Variants in METTL15 observed in about 807,000 individuals in gnomAD.
The protein encoded by METTL15 is 12S rRNA N(4)-cytidine methyltransferase METTL15.
A neutral mutation model predicts 38.3 loss-of-function variants in METTL15; 34 were observed. That is an observed-to-expected ratio of 0.89 (90% CI 0.68 to 1.18). The LOEUF is 1.18. Ranked by LOEUF, METTL15 falls within the 50% of genes most tolerant of loss-of-function variation. The pLI is 0.00. For missense variants in METTL15, 438 were observed against 498.4 expected, an observed-to-expected ratio of 0.88 and a Z score of 1.15; for synonymous variants, 162 against 170.9, an observed-to-expected ratio of 0.95 and a Z score of 0.41.
chr11:28,375,645 GT>G, intron 5 of METTL15, among the ~76,000 whole-genome samples: 1 of 152,058 alleles, frequency 6.6e-6, no homozygotes, highest in South Asian at 2.1e-4. Context: ...TTTTTGAAGG[GT>G]TTTTTGTGTC....
At chr11:28,111,119 A>G (rs1362359019) in intron 2 of METTL15, among the ~76,000 whole-genome samples, 2 of 152,174 alleles carry the variant, frequency 1.3e-5, no homozygotes, top group African/African-American at 2.4e-5. Flanking sequence ...CAAATGAACT[A>G]TTTGTCACCC....
chr11:28,130,090 G>A (rs966103661), intron 3 of METTL15, among the ~76,000 whole-genome samples: 1 of 152,056 alleles, frequency 6.6e-6, no homozygotes. Flanking sequence ...TTGGAGGATC[G>A]CTTGAGCTCA....
At chr11:28,315,439 C>G (rs896692260) in intron 6 of METTL15, among the ~76,000 whole-genome samples, 2 of 152,168 alleles carry the variant, frequency 1.3e-5, no homozygotes, top group African/African-American at 4.8e-5. Context: ...AGCAGCAAAG[C>G]ATTCAAGAGG....
At chr11:28,352,019 A>G (rs891807144) in intron 3 of METTL15, 2 of 152,232 alleles carry the variant, frequency 1.3e-5, no homozygotes, top group African/African-American at 4.8e-5. Flanking sequence ...TGTATATAGT[A>G]TAGGTATTGT....
Position 28,117,231 on chromosome 11 carries a change from ATG to A in METTL15, c.270+3629_270+3630del, listed in dbSNP as rs1444092063. On this transcript the variant is annotated intron_variant, in intron 3 of 6. Coordinates refer to ENST00000407364, the MANE Select transcript of METTL15 (RefSeq NM_001113528.2). ...TATACATACATATATACACCTATAT[ATG>A]TATGTGTGTGTGTGTGTGTGTGTGT... Among the ~76,000 whole-genome samples, 365 of 66,800 alleles carry A rather than the reference ATG, an allele frequency of 5.5e-3. 3 individuals are homozygous for A. Among genetic ancestry groups the A allele is most frequent in the African/African-American group, 0.019 (339 of 17,454 alleles). The allele number at this position is 66,800 out of a possible 152,430, so 43.8% of individuals were successfully genotyped here.
intron 6 of METTL15, among the ~76,000 whole-genome samples, chr11:28,322,266 A>G (rs1849495951): frequency 6.6e-6 from 1 of 152,090 alleles, no homozygotes; most frequent in African/African-American, 2.4e-5. Context: ...AACTATGTAA[A>G]TAGTTGACAA....
intron 5 of METTL15, among the ~76,000 whole-genome samples, chr11:28,386,217 A>G (rs7124725): frequency 6.6e-6 from 1 of 151,898 alleles, no homozygotes; most frequent in Non-Finnish European, 1.5e-5. Flanking sequence ...ACAAGTTATA[A>G]AAAAAACAGT....
At chr11:28,368,128 C>CAAAAAAAAAAAAAAAAAAAAAA (rs796151908) in intron 5 of METTL15, among the ~76,000 whole-genome samples, 3 of 32,558 alleles carry the variant, frequency 9.2e-5, no homozygotes, top group Admixed American at 3.1e-4. Flanking sequence ...TTCTGCATAG[C>CAAAAAAAAAAAAAAAAAAAAAA]AAAAAAAAAA....
At chr11:28,433,498 G>A (rs1850954743) in intron 6 of METTL15, among the ~76,000 whole-genome samples, 1 of 151,960 alleles carries the variant, frequency 6.6e-6, no homozygotes, top group Non-Finnish European at 1.5e-5. Flanking sequence ...TGTAAAATGG[G>A]GATAATATCA....
At chr11:28,164,607 T>C (rs996238443) in intron 3 of METTL15, among the ~76,000 whole-genome samples, 1 of 152,118 alleles carries the variant, frequency 6.6e-6, no homozygotes, top group Non-Finnish European at 1.5e-5. Flanking sequence ...TTGCTGCATA[T>C]GTACAATACG....
chr11:28,172,912 TTTC>T (rs1244383246), intron 3 of METTL15, among the ~76,000 whole-genome samples: 10 of 152,180 alleles, frequency 6.6e-5, no homozygotes, highest in African/African-American at 2.4e-4. Flanking sequence ...TTTGTTTTCC[TTTC>T]TTCTTTCACA....
intron 6 of METTL15, among the ~76,000 whole-genome samples, chr11:28,524,870 G>T (rs1218458190): frequency 6.6e-6 from 1 of 152,212 alleles, no homozygotes; most frequent in Non-Finnish European, 1.5e-5. Context: ...GACCCTCGCA[G>T]TGAGTGTTAC....
At chr11:28,437,820 A>C (rs1289852939) in intron 6 of METTL15, among the ~76,000 whole-genome samples, 1 of 152,236 alleles carries the variant, frequency 6.6e-6, no homozygotes, top group African/African-American at 2.4e-5. Flanking sequence ...CATTCTTCAC[A>C]GTGCCCAGCC....
chr11:28,327,971 A>C, intron 6 of METTL15: 1 of 941,526 alleles, frequency 1.1e-6, no homozygotes, highest in Non-Finnish European at 1.6e-6. Flanking sequence ...AATATCAAAG[A>C]TAATGCTAAG....
At position 28,259,280 on chromosome 11, in the gene METTL15, G is replaced by A. The variant is rs184606288; in HGVS notation, c.408-30926G>A. Among the ~76,000 whole-genome samples, 12 of 152,060 alleles carry A rather than the reference G, an allele frequency of 7.9e-5. No individual in the cohort carries two copies. In the East Asian group the frequency reaches 2.3e-3, roughly 30 times the overall value. On this transcript the variant is annotated intron_variant, in intron 4 of 6. Coordinates refer to ENST00000407364, the MANE Select transcript of METTL15 (RefSeq NM_001113528.2). ...AGACAACGTCTTTCCCATTTGTCCTGCCCTCTCCTCAAGCAGAAGGGACAG... is the reference window on the plus strand; with the variant it reads ...AGACAACGTCTTTCCCATTTGTCCTACCCTCTCCTCAAGCAGAAGGGACAG...
chr11:28,393,584 A>G (rs910771114), intron 5 of METTL15, among the ~76,000 whole-genome samples: 3 of 152,088 alleles, frequency 2.0e-5, no homozygotes, highest in Non-Finnish European at 4.4e-5. Flanking sequence ...GGCTGTTGGC[A>G]GACAGCCTCT....
intron 5 of METTL15, among the ~76,000 whole-genome samples, chr11:28,363,754 G>A (rs991538912): frequency 5.3e-5 from 8 of 152,028 alleles, no homozygotes; most frequent in Admixed American, 5.2e-4. Flanking sequence ...ACATATCTTT[G>A]CCAAAGCCAA....
intron 3 of METTL15, chr11:28,163,974 A>G (rs2133748412): frequency 6.6e-6 from 1 of 152,244 alleles, no homozygotes; most frequent in African/African-American, 2.4e-5. Flanking sequence ...CTTTATAATT[A>G]ATGGGATTAC....
chr11:28,279,628 C>A (rs949271387), intron 4 of METTL15, among the ~76,000 whole-genome samples: 2 of 152,112 alleles, frequency 1.3e-5, no homozygotes, highest in African/African-American at 4.8e-5. Context: ...TGGCCGGGTG[C>A]GGTGGCTCAC....
Sources: gnomAD v4.1 joint callset for allele counts (sites outside exome capture counted in the v4.1 genomes callset) on GRCh38, gnomAD v4.1.1 for gene constraint, MANE v1.5 for transcripts, NCBI Gene and HGNC (gene_info 2026-07-23, HGNC 2026-07-21) for gene names.